The following CTU1 variants were observed in gnomAD, a reference collection of about 807,000 sequenced individuals.
The protein encoded by CTU1 is cytoplasmic tRNA 2-thiolation protein 1.
CTU1 carries 15 observed loss-of-function variants against 12.9 expected under a neutral mutation model. The observed-to-expected ratio is 1.16, with a 90% CI of 0.78 to 1.79. The LOEUF (loss-of-function observed/expected upper bound fraction) is 1.79. Ranked by LOEUF, CTU1 falls within the 40% of genes most tolerant of loss-of-function variation. The probability of loss-of-function intolerance (pLI) is 0.00; values close to 1 mark genes in which losing one functional copy is unlikely to be tolerated. For synonymous variants in CTU1, 295 were observed against 275.6 expected, an observed-to-expected ratio of 1.07 and a Z score of -0.70; for missense variants, 553 against 550.5, an observed-to-expected ratio of 1.00 and a Z score of -0.05.
rs2091913766 is a variant in CTU1 at position 51,104,156 on chromosome 19, G to A, written c.414C>T (p.Gly138=). 2.0e-6 allele frequency: 3 copies of A among 1,516,788 alleles called. No homozygotes were observed. The highest frequency in any genetic ancestry group is 2.9e-5 in the African/African-American group (2 of 69,846). 94.0% of individuals were successfully genotyped at this position (1,516,788 alleles called of 1,614,324 possible). ...AGAAGGTGCAGCAGGAGCGGCTGCG[G>A]CCGGAGCCGGCTGTGCTGCGGGCCA... The part of the protein sequence containing the change: ...DAVARSTAGS[G]RSRSCCTFCG... The change falls in exon 2 of 3, where the codon GGC becomes GGT. Residue 138 remains glycine (G), a synonymous_variant. Coordinates refer to ENST00000421832, the MANE Select transcript of CTU1 (RefSeq NM_145232.4).
In CTU1 at chr19:51,104,548, A is replaced by G; in HGVS notation, c.22T>C (p.Ser8Pro). The G allele has an allele frequency of 7.9e-7, 1 of 1,259,536 alleles. No individual in the cohort carries two copies. The highest frequency in any genetic ancestry group is 2.9e-5 in the South Asian group (1 of 34,034). 78.0% of individuals were successfully genotyped at this position (1,259,536 alleles called of 1,614,324 possible). The change falls in exon 2 of 3, where the codon TCC becomes CCC. Residue 8 changes from serine to proline, a missense_variant. Coordinates refer to ENST00000421832, the MANE Select transcript of CTU1 (RefSeq NM_145232.4). Reference sequence around the variant, plus strand: ...AGGGCGGCGCGTGCAGCATGGCAGGAGGCGCACGGCGGGGCGGGCATTGCG... The same window carrying G: ...AGGGCGGCGCGTGCAGCATGGCAGGGGGCGCACGGCGGGGCGGGCATTGCG... MPAPPCA[S>P]CHAARAALRR...
chr19:51,098,694 G>C lies in CTU1; in HGVS notation c.954C>G (p.Gly318=). The change falls in exon 3 of 3, where the codon GGC becomes GGG. Residue 318 remains glycine, a synonymous_variant. Coordinates refer to ENST00000421832, the MANE Select transcript of CTU1 (RefSeq NM_145232.4). The surrounding 1 kb of genome is among the most constrained non-coding windows in gnomAD (Gnocchi z 4.3). ...LNRGRPRLAI[G]KGRRGLDEEA... ...CCTCGTCCAGACCCCGGCGGCCCTT[G>C]CCGATGGCCAGGCGGGGCCGGCCGC... is the stretch of plus-strand genomic sequence containing the variant. The C allele has an allele frequency of 1.6e-6, 2 of 1,288,426 alleles. No individual in the cohort carries two copies. Among genetic ancestry groups the C allele is most frequent in the Non-Finnish European group, 2.0e-6 (2 of 1,014,620 alleles). 79.8% of individuals were successfully genotyped at this position (1,288,426 alleles called of 1,614,324 possible). A position where few individuals can be genotyped will look rare whatever the true frequency, so the allele number is the denominator to read the frequency against.
rs1390200164 is a variant in CTU1, at chr19:51,108,081, T to C, written c.-22+266A>G. ...CCTTGTCAAAAGGACAGATAATGTG[T>C]GGCATGGGGGCGGGGACAGGCAGAT... On this transcript the variant is annotated intron_variant, in intron 1 of 2. Coordinates refer to ENST00000421832, the MANE Select transcript of CTU1 (RefSeq NM_145232.4). This position sits in a 1 kb window ranked among gnomAD's most constrained non-coding sequence, Gnocchi z 4.5. Among the ~76,000 whole-genome samples, 1 of 150,912 alleles carries C rather than the reference T, an allele frequency of 6.6e-6. No individual in the cohort carries two copies. Among genetic ancestry groups the C allele is most frequent in the African/African-American group, 2.4e-5 (1 of 40,962 alleles).
chr19:51,101,080 G>A (rs1260333968), intron 2 of CTU1, among the ~76,000 whole-genome samples: 1 of 151,958 alleles, frequency 6.6e-6, no homozygotes, highest in African/African-American at 2.4e-5. Context: ...GAGTAGCTGG[G>A]ACCACAGGTG....
Position 51,104,438 on chromosome 19 carries a change from G to A in CTU1, c.132C>T (p.Ala44=). 1 of 1,247,188 alleles carries A rather than the reference G, an allele frequency of 8.0e-7. No individual in the cohort carries two copies. Among genetic ancestry groups the A allele is most frequent in the African/African-American group, 1.6e-5 (1 of 62,370 alleles). The allele number at this position is 1,247,188 out of a possible 1,614,324, so 77.3% of individuals were successfully genotyped here. The change falls in exon 2 of 3, where the codon GCC becomes GCT. Residue 44 remains alanine, a synonymous_variant. Coordinates refer to ENST00000421832, the MANE Select transcript of CTU1 (RefSeq NM_145232.4). ...CCGCGCCGGGCGGCAGCAGGCGGCCGGCGAGCACCGTGTGCAGCACCTCGG... is the reference window on the plus strand; with the variant it reads ...CCGCGCCGGGCGGCAGCAGGCGGCCAGCGAGCACCGTGTGCAGCACCTCGG... ...FEAEVLHTVL[A]GRLLPPGAVV... is the part of the protein sequence containing the mutation.
rs1203223621 is a variant in CTU1, at chr19:51,098,812, G to T, written c.836C>A (p.Ala279Glu). 5.3e-5 allele frequency: 56 copies of T among 1,054,856 alleles called. 2 individuals are homozygous for T. In the South Asian group the frequency reaches 2.0e-3, roughly 38 times the overall value. 65.3% of individuals were successfully genotyped at this position (1,054,856 alleles called of 1,614,324 possible). ...GCAGGCGCCGGGGCGCGGGGGCCGC[G>T]CGGCCGGGGCCAGCGCCAGGCGCTC... ...SAERLALAPA[A>E]RPPRPGACSR... Residue 279 changes from alanine to glutamate, a missense_variant, in exon 3 of 3, where the codon GCG (alanine) becomes GAG (glutamate). Ala to Glu is a moderately radical substitution (Grantham distance 107). Transcript: ENST00000421832. The surrounding 1 kb of genome is among the most constrained non-coding windows in gnomAD (Gnocchi z 4.3).
intron 2 of CTU1, among the ~76,000 whole-genome samples, chr19:51,101,848 A>G (rs1401183874): frequency 2.6e-5 from 4 of 152,224 alleles, no homozygotes; most frequent in Non-Finnish European, 5.9e-5. Flanking sequence ...TTATTACAAC[A>G]ATTATTATAC....
In CTU1 at chr19:51,098,205, A is replaced by G. The variant is rs2091895823; in HGVS notation, c.*396T>C. On this transcript the variant is annotated 3_prime_UTR_variant, in exon 3 of 3. Transcript: ENST00000421832. This position sits in a 1 kb window ranked among gnomAD's most constrained non-coding sequence, Gnocchi z 4.3. The stretch of plus-strand genomic sequence containing the variant: ...AGAGGCCCTGGGCAGGAGGTCCCCA[A>G]CCAATCCCCACTCGCTCAAGAATCA... 6.5e-6 allele frequency: 1 copy of G among 154,958 alleles called. No homozygotes were observed. Among genetic ancestry groups the G allele is most frequent in the Non-Finnish European group, 1.4e-5 (1 of 69,970 alleles). The allele number at this position is 154,958 out of a possible 1,614,324, so 9.6% of individuals were successfully genotyped here. A position where few individuals can be genotyped will look rare whatever the true frequency, so the allele number is the denominator to read the frequency against.
chr19:51,098,975 C>A lies in CTU1; in HGVS notation c.673G>T (p.Ala225Ser). 1 of 1,543,894 alleles carries A rather than the reference C, an allele frequency of 6.5e-7. No homozygotes were observed. Among genetic ancestry groups the A allele is most frequent in the Non-Finnish European group, 8.7e-7 (1 of 1,151,026 alleles). The change falls in exon 3 of 3, where the codon GCG (alanine) becomes TCG (serine). Residue 225 changes from alanine to serine, a missense_variant. Physicochemically the swap from Ala to Ser is moderately conservative, Grantham distance 99. Transcript: ENST00000421832. The surrounding 1 kb of genome is among the most constrained non-coding windows in gnomAD (Gnocchi z 4.3). ...AAGTAGTCGAGGCGGCGGAAGTGCG[C>A]GTACAGCACCACCTCCTTCTGCGAG... ...FASQKEVVLY[A>S]HFRRLDYFSE...
Position 51,099,088 on chromosome 19 carries a change from C to A in CTU1, c.560G>T (p.Gly187Val). The part of the protein sequence containing the change: ...AETVLMNFLR[G>V]DAGRLARGGG... The stretch of plus-strand genomic sequence containing the variant: ...GCCCCGGGCCAGCCGCCCCGCGTCG[C>A]CCCGTAGGAAGTTCATGAGCACGGT... The change falls in exon 3 of 3, where the codon GGC (glycine) becomes GTC (valine). Residue 187 changes from glycine to valine, a missense_variant. By Grantham distance (109) the Gly-to-Val change is moderately radical. This residue lies in a region of CTU1 where 500 missense variants were observed against 458.5 expected (regional missense o/e 1.09). Transcript: ENST00000421832. 5 of 1,548,714 alleles carry A rather than the reference C, an allele frequency of 3.2e-6. No homozygotes were observed. The South Asian group carries it at 4.7e-5, about 14-fold the overall frequency.
intron 2 of CTU1, among the ~76,000 whole-genome samples, chr19:51,100,429 G>A (rs532107178): frequency 1.3e-4 from 20 of 152,170 alleles, no homozygotes; most frequent in African/African-American, 4.3e-4. Context: ...GGCCAACATG[G>A]CAAAACCCCC....
rs1369808252 is a variant in CTU1 at position 51,098,911 on chromosome 19, C to A, written c.737G>T (p.Gly246Val). Residue 246 changes from glycine (G) to valine (V), a missense_variant, in exon 3 of 3, where the codon GGC (glycine) becomes GTC (valine). Transcript: ENST00000421832. This position sits in a 1 kb window ranked among gnomAD's most constrained non-coding sequence, Gnocchi z 4.3. ...ECVYAPEAFR[G>V]HARDLLKRLE... is the part of the protein sequence containing the mutation. The stretch of plus-strand genomic sequence containing the variant: ...GCGCTTGAGCAGGTCCCGGGCGTGG[C>A]CGCGGAAGGCCTCGGGCGCGTAGAC... The A allele has an allele frequency of 1.3e-6, 2 of 1,518,114 alleles. No individual in the cohort carries two copies. The highest frequency in any genetic ancestry group is 2.6e-5 in the East Asian group (1 of 37,916). 94.0% of individuals were successfully genotyped at this position (1,518,114 alleles called of 1,614,324 possible).
Position 51,104,132 on chromosome 19 carries a change from G to A in CTU1, c.438C>T (p.Phe146=). The change falls in exon 2 of 3, where the codon TTC becomes TTT. Residue 146 remains phenylalanine, a synonymous_variant. Coordinates refer to ENST00000421832, the MANE Select transcript of CTU1 (RefSeq NM_145232.4). ...GCGCCCGGCGCCGCAGCACTCCACA[G>A]AAGGTGCAGCAGGAGCGGCTGCGGC... The part of the protein sequence containing the change: ...GSGRSRSCCT[F]CGVLRRRALE... 1 of 1,512,144 alleles carries A rather than the reference G, an allele frequency of 6.6e-7. No individual in the cohort carries two copies. The highest frequency in any genetic ancestry group is 1.3e-5 in the South Asian group (1 of 78,512). The allele number at this position is 1,512,144 out of a possible 1,614,324, so 93.7% of individuals were successfully genotyped here. A position where few individuals can be genotyped will look rare whatever the true frequency, so the allele number is the denominator to read the frequency against.
chr19:51,103,840 C>T (rs564865414), intron 2 of CTU1, among the ~76,000 whole-genome samples: 1 of 152,356 alleles, frequency 6.6e-6, no homozygotes, highest in East Asian at 1.9e-4. Flanking sequence ...TGCCTGGCCC[C>T]TCTGTCTCCC....
chr19:51,101,126 T>G (rs1486688974), intron 2 of CTU1, among the ~76,000 whole-genome samples: 11 of 152,080 alleles, frequency 7.2e-5, no homozygotes, highest in Admixed American at 6.6e-4. Context: ...TGTATTTCTA[T>G]ACAGACGCAG....
chr19:51,098,997 C>A lies in CTU1; in HGVS notation c.651G>T (p.Ser217=). Residue 217 remains serine (S), a synonymous_variant, in exon 3 of 3, where the codon TCG becomes TCT. Coordinates refer to ENST00000421832, the MANE Select transcript of CTU1 (RefSeq NM_145232.4). This position sits in a 1 kb window ranked among gnomAD's most constrained non-coding sequence, Gnocchi z 4.3. ...LPRCRPLQFA[S]QKEVVLYAHF... ...GCGCGTACAGCACCACCTCCTTCTG[C>A]GAGGCGAACTGCAGCGGGCGGCAGC... is the stretch of plus-strand genomic sequence containing the variant. The A allele has an allele frequency of 6.5e-7, 1 of 1,536,924 alleles. No individual in the cohort carries two copies. The highest frequency in any genetic ancestry group is 2.5e-5 in the East Asian group (1 of 39,806).
rs2091913438 is a variant in CTU1 at position 51,104,076 on chromosome 19, G to C, written c.494C>G (p.Thr165Arg). Residue 165 changes from threonine (T) to arginine (R), a missense_variant, in exon 2 of 3, where the codon ACG (threonine) becomes AGG (arginine). Transcript: ENST00000421832. Reference protein sequence around the residue: ...LEEGARRVGATHIVTGHNADD... With the variant: ...LEEGARRVGARHIVTGHNADD... ...ACTACGCTCACCTGTCACGATGTGC[G>C]TGGCTCCCACGCGGCGCGCCCCTTC... 1.4e-6 allele frequency: 2 copies of C among 1,458,624 alleles called. No individual in the cohort carries two copies. The highest frequency in any genetic ancestry group is 2.8e-5 in the Admixed American group (1 of 35,796). 90.4% of individuals were successfully genotyped at this position (1,458,624 alleles called of 1,614,324 possible). A position where few individuals can be genotyped will look rare whatever the true frequency, so the allele number is the denominator to read the frequency against.
At position 51,098,265 on chromosome 19, in the gene CTU1, G is replaced by A. The variant is rs1239957905; in HGVS notation, c.*336C>T. ...CAGCCCCCTCCTCCCTGAGACCCAGGAGTCCACGACCCCAGGCCCTCCTTC... is the reference window on the plus strand; with the variant it reads ...CAGCCCCCTCCTCCCTGAGACCCAGAAGTCCACGACCCCAGGCCCTCCTTC... On this transcript the variant is annotated 3_prime_UTR_variant, in exon 3 of 3. Coordinates refer to ENST00000421832, the MANE Select transcript of CTU1 (RefSeq NM_145232.4). The surrounding 1 kb of genome is among the most constrained non-coding windows in gnomAD (Gnocchi z 4.3). 1.2e-5 allele frequency: 2 copies of A among 173,404 alleles called. No homozygotes were observed. Among genetic ancestry groups the A allele is most frequent in the Non-Finnish European group, 2.4e-5 (2 of 82,208 alleles). The allele number at this position is 173,404 out of a possible 1,614,324, so 10.7% of individuals were successfully genotyped here. A position where few individuals can be genotyped will look rare whatever the true frequency, so the allele number is the denominator to read the frequency against.
rs1292342075 is a variant in CTU1 at position 51,099,170 on chromosome 19, G to A, written c.509-31C>T. The A allele has an allele frequency of 3.2e-6, 5 of 1,547,022 alleles. No homozygotes were observed. The African/African-American group carries it at 4.1e-5, about 13-fold the overall frequency. ...GGGGAGAGAAGGGAGCGGGTGAGGT[G>A]GGGCGCGGAGGGCGCTGCTGGCCAG... On this transcript the variant is annotated intron_variant, in intron 2 of 2. Transcript: ENST00000421832.
Sources: gnomAD v4.1 joint callset for allele counts (sites outside exome capture counted in the v4.1 genomes callset) on GRCh38, gnomAD v4.1.1 for gene constraint, gnomAD v4.1.1 regional missense constraint, Gnocchi (gnomAD v3.1) non-coding constraint, MANE v1.5 for transcripts, NCBI Gene and HGNC (gene_info 2026-07-23, HGNC 2026-07-21) for gene names.